P2RY8: variants seen among roughly 807,000 people sequenced by gnomAD.
P2RY8 encodes the protein S-geranylgeranyl-glutathione receptor P2RY8.
Under a neutral mutation model 10.0 loss-of-function variants are expected in P2RY8, and 6 were observed. The observed-to-expected ratio is 0.60, with a 90% CI of 0.33 to 1.19. The LOEUF is 1.19. P2RY8 is among the 50% of genes most tolerant of loss of function. P2RY8 has a pLI of 0.04. For missense variants in P2RY8, 456 were observed against 542.0 expected (o/e 0.84, Z 1.58); for synonymous variants, 276 against 252.5 (o/e 1.09, Z -0.88).
intron 1 of P2RY8, among the ~76,000 whole-genome samples, chrX:1,530,795 C>T (rs1176352955): frequency 1.7e-4 from 25 of 151,326 alleles, no homozygotes; most frequent in African/African-American, 5.8e-4. Flanking sequence ...TCTTTTCTAT[C>T]TATCTCTATT....
At chrX:1,471,308 CATTTTTT>C (rs1156874074) in intron 1 of P2RY8, among the ~76,000 whole-genome samples, 5 of 71,110 alleles carry the variant, frequency 7.0e-5, no homozygotes, top group Admixed American at 1.8e-4. Flanking sequence ...GCGCCCAGCC[CATTTTTT>C]TTTTTTTTTT....
At chrX:1,533,480 ATC>A (rs1439992033) in intron 1 of P2RY8, among the ~76,000 whole-genome samples, 3 of 139,892 alleles carry the variant, frequency 2.1e-5, no homozygotes, top group Non-Finnish European at 4.6e-5. Context: ...TATTCTTTAT[ATC>A]TTATATACTT....
At chrX:1,494,869 A>ATTTTT (rs59572174) in intron 1 of P2RY8, among the ~76,000 whole-genome samples, 4 of 143,892 alleles carry the variant, frequency 2.8e-5, no homozygotes, top group Non-Finnish European at 3.0e-5. Context: ...CACCTGGCTA[A>ATTTTT]TTTTTTTTTT....
intron 1 of P2RY8, among the ~76,000 whole-genome samples, chrX:1,519,779 C>T (rs1483560685): frequency 6.6e-6 from 1 of 151,518 alleles, no homozygotes; most frequent in African/African-American, 2.4e-5. Flanking sequence ...CTGATCTCCC[C>T]CAAATCTCCC....
At chrX:1,524,865 C>A (rs1450477839) in intron 1 of P2RY8, among the ~76,000 whole-genome samples, 7 of 102,392 alleles carry the variant, frequency 6.8e-5, no homozygotes, top group African/African-American at 2.0e-4. Context: ...ATCCATTCAA[C>A]CATCCACTCA....
At chrX:1,509,051 C>T (rs1451939992) in intron 1 of P2RY8, among the ~76,000 whole-genome samples, 8 of 143,200 alleles carry the variant, frequency 5.6e-5, no homozygotes, top group East Asian at 2.1e-4. Context: ...TTTATTCTAT[C>T]TATGCATCTA....
At chrX:1,509,348 C>T (rs1259071048) in intron 1 of P2RY8, among the ~76,000 whole-genome samples, 5 of 146,888 alleles carry the variant, frequency 3.4e-5, no homozygotes, top group Admixed American at 1.4e-4. Flanking sequence ...ATCCATCATC[C>T]ATCCATCCAT....
intron 1 of P2RY8, among the ~76,000 whole-genome samples, chrX:1,535,686 G>T (rs1163244612): frequency 7.2e-6 from 1 of 138,606 alleles, no homozygotes; most frequent in African/African-American, 2.7e-5. Flanking sequence ...AACATGGGAA[G>T]AAACAACCAC....
chrX:1,485,739 C>A (rs192416825), intron 1 of P2RY8, among the ~76,000 whole-genome samples: 2 of 146,732 alleles, frequency 1.4e-5, no homozygotes, highest in Non-Finnish European at 3.0e-5. Context: ...TAATTATATA[C>A]GATATATTGT....
rs752707068 is a variant in P2RY8, at chrX:1,506,441, C to T, written c.-25+30480G>A. On this transcript the variant is annotated intron_variant, in intron 1 of 1. Coordinates refer to ENST00000381297, the MANE Select transcript of P2RY8 (RefSeq NM_178129.5). ...CACCAGGCTATAGATGGAGATGTCTCTTCTGAGAGAAGACTGCCTCTTTGT... is the reference window on the plus strand; with the variant it reads ...CACCAGGCTATAGATGGAGATGTCTTTTCTGAGAGAAGACTGCCTCTTTGT... 1.4e-4 allele frequency among the ~76,000 whole-genome samples: 21 copies of T among 150,708 alleles called. 1 individual carries two copies. Among genetic ancestry groups the T allele is most frequent in the Admixed American group, 1.1e-3 (16 of 15,238 alleles).
rs749271833 is a variant in P2RY8, at chrX:1,509,668, T to TCATCCATCCATC, written c.-25+27241_-25+27252dup. 8.6e-4 allele frequency among the ~76,000 whole-genome samples: 106 copies of TCATCCATCCATC among 122,664 alleles called. 6 individuals carry two copies. The highest frequency in any genetic ancestry group is 3.2e-3 in the African/African-American group (91 of 28,802). 80.5% of individuals were successfully genotyped at this position (122,664 alleles called of 152,430 possible). On this transcript the variant is annotated intron_variant, in intron 1 of 1. Transcript: ENST00000381297. ...ATCCATCTGTCTATCCTGTATGTGT[T>TCATCCATCCATC]CATCCATCCATCCATCCATCCATCC...
In P2RY8 at chrX:1,465,890, C is replaced by T. The variant is rs370852351; in HGVS notation, c.669G>A (p.Thr223=). 3.1e-6 allele frequency: 5 copies of T among 1,612,376 alleles called. No homozygotes were observed. The highest frequency in any genetic ancestry group is 1.3e-5 in the African/African-American group (1 of 74,898). The stretch of plus-strand genomic sequence containing the variant: ...GCTGCTCCCGGCCGTGCGCCTCCTC[C>T]GTGCGCAACAGCTTGAGGATGGTGG... ...YTATILKLLR[T]EEAHGREQRR... The change falls in exon 2 of 2, where the codon ACG becomes ACA. Residue 223 remains threonine (T), a synonymous_variant. Transcript: ENST00000381297.
chrX:1,531,483 G>T (rs1437093526), intron 1 of P2RY8, among the ~76,000 whole-genome samples: 1 of 152,110 alleles, frequency 6.6e-6, no homozygotes, highest in Non-Finnish European at 1.5e-5. Context: ...AGCCCGAGGG[G>T]TTAGCATGCT....
At chrX:1,509,268 A>C (rs2092271629) in intron 1 of P2RY8, among the ~76,000 whole-genome samples, 1 of 109,134 alleles carries the variant, frequency 9.2e-6, no homozygotes, top group Non-Finnish European at 2.5e-5. Flanking sequence ...CTAGCCATCT[A>C]TCTATCTATC....
chrX:1,476,179 C>T (rs1294181115), intron 1 of P2RY8, among the ~76,000 whole-genome samples: 1 of 152,174 alleles, frequency 6.6e-6, no homozygotes, highest in Admixed American at 6.5e-5. Context: ...AGCTTTGGGA[C>T]ACCTCCTATG....
At chrX:1,515,948 G>GGT (rs1556684126) in intron 1 of P2RY8, among the ~76,000 whole-genome samples, 16 of 109,878 alleles carry the variant, frequency 1.5e-4, no homozygotes, top group Non-Finnish European at 2.7e-4. Context: ...CCGAGGGGTC[G>GGT]GGGGGTGGTG....
At chrX:1,528,831 T>C (rs2092456047) in intron 1 of P2RY8, among the ~76,000 whole-genome samples, 1 of 152,222 alleles carries the variant, frequency 6.6e-6, no homozygotes, top group Non-Finnish European at 1.5e-5. Flanking sequence ...TCTCTTTGAA[T>C]GAGTGTGGAT....
intron 1 of P2RY8, among the ~76,000 whole-genome samples, chrX:1,506,029 G>C (rs1305783947): frequency 2.4e-5 from 3 of 123,360 alleles, no homozygotes; most frequent in South Asian, 5.2e-4. Flanking sequence ...GTCACACTCC[G>C]TCACCCAGGC....
At chrX:1,509,161 T>TTCTATCTATCTATATA (rs2092269321) in intron 1 of P2RY8, among the ~76,000 whole-genome samples, 1 of 144,478 alleles carries the variant, frequency 6.9e-6, no homozygotes, top group Non-Finnish European at 1.5e-5. Context: ...TATCCATCCA[T>TTCTATCTATCTATATA]TCTATCTATC....
Sources: gnomAD v4.1 joint callset for allele counts (sites outside exome capture counted in the v4.1 genomes callset) on GRCh38, gnomAD v4.1.1 for gene constraint, MANE v1.5 for transcripts, NCBI Gene and HGNC (gene_info 2026-07-23, HGNC 2026-07-21) for gene names.